Variants in ANKRD62 observed in about 807,000 individuals in gnomAD.
ANKRD62 encodes ankyrin repeat domain 62, also known as ankyrin repeat domain-containing protein 62.
Under a neutral mutation model 98.8 loss-of-function variants are expected in ANKRD62, and 61 were observed. That is an observed-to-expected ratio of 0.62 (90% CI 0.50 to 0.76). The LOEUF is 0.76. Ranked by LOEUF, ANKRD62 falls within the 30% of genes least tolerant of loss-of-function variation. ANKRD62 has a pLI of 0.00. For missense variants in ANKRD62, 933 were observed against 1,082.9 expected, an observed-to-expected ratio of 0.86 and a Z score of 1.94; for synonymous variants, 341 against 367.9, an observed-to-expected ratio of 0.93 and a Z score of 0.84.
chr18:12,175,180 CTCAGG>C, the ANKRD62 span, among the ~76,000 whole-genome samples: 1 of 152,202 alleles, frequency 6.6e-6, no homozygotes, highest in Non-Finnish European at 1.5e-5. Flanking sequence ...CACTGGCGGG[CTCAGG>C]TCTGTGCCTT....
intron 6 of ANKRD62, chr18:12,102,678 A>T: frequency 9.9e-7 from 1 of 1,010,942 alleles, no homozygotes. Flanking sequence ...ATAGTAGAGG[A>T]AGACATTTCA....
In ANKRD62 at chr18:12,107,481, G is replaced by A. The variant is rs770743951; in HGVS notation, c.1064+14G>A. On this transcript the variant is annotated intron_variant, in intron 8 of 13. Coordinates refer to ENST00000587848, the MANE Select transcript of ANKRD62 (RefSeq NM_001277333.2). ...CGAGTTTGATAGGTAATCCTGTAGC[G>A]ATAGTTAACAGCGGATCACTGTTAA... 378 of 1,473,136 alleles carry A rather than the reference G, an allele frequency of 2.6e-4. 3 individuals carry two copies. Among genetic ancestry groups the A allele is most frequent in the Middle Eastern group, 1.4e-3 (8 of 5,760 alleles). The allele number at this position is 1,473,136 out of a possible 1,614,324, so 91.3% of individuals were successfully genotyped here.
chr18:12,166,791 C>T, the ANKRD62 span, among the ~76,000 whole-genome samples: 9 of 151,386 alleles, frequency 5.9e-5, no homozygotes, highest in African/African-American at 1.9e-4. Context: ...TTGTTACATA[C>T]GTATACCTGT....
downstream of ANKRD62, among the ~76,000 whole-genome samples, chr18:12,131,668 A>G (rs1910006866): frequency 6.6e-6 from 1 of 152,118 alleles, no homozygotes; most frequent in Non-Finnish European, 1.5e-5. Flanking sequence ...GTATCAAGCA[A>G]TTACAGTTCA....
At chr18:12,138,273 A>G in the ANKRD62 span, among the ~76,000 whole-genome samples, 1 of 152,212 alleles carries the variant, frequency 6.6e-6, no homozygotes, top group Non-Finnish European at 1.5e-5. Context: ...TTCAAAGAAC[A>G]TCTTTATTTC....
chr18:12,163,286 G>T, the ANKRD62 span, among the ~76,000 whole-genome samples: 1 of 151,832 alleles, frequency 6.6e-6, no homozygotes, highest in African/African-American at 2.4e-5. Flanking sequence ...TTACCTTTTT[G>T]GTTTCTTTTT....
chr18:12,135,612 C>T, the ANKRD62 span, among the ~76,000 whole-genome samples: 422 of 151,552 alleles, frequency 2.8e-3, 4 homozygotes, highest in African/African-American at 9.7e-3. Flanking sequence ...CCTGAGGAAT[C>T]GCCACACTGA....
the ANKRD62 span, among the ~76,000 whole-genome samples, chr18:12,145,218 A>G: frequency 0.92 from 140,513 of 152,172 alleles, 65,079 homozygotes; most frequent in Middle Eastern, 0.99. Flanking sequence ...TGGCTAAGTC[A>G]CCCAAGTGGC....
the ANKRD62 span, among the ~76,000 whole-genome samples, chr18:12,159,539 T>C: frequency 6.6e-6 from 1 of 152,216 alleles, no homozygotes; most frequent in Non-Finnish European, 1.5e-5. Context: ...AATCTGCAAA[T>C]TGTCCAATAA....
chr18:12,172,816 C>G, the ANKRD62 span, among the ~76,000 whole-genome samples: 1 of 152,196 alleles, frequency 6.6e-6, no homozygotes, highest in African/African-American at 2.4e-5. Context: ...GGCAGACTCC[C>G]CTCCCCCAAC....
the ANKRD62 span, among the ~76,000 whole-genome samples, chr18:12,138,533 G>T: frequency 4.8e-4 from 73 of 152,208 alleles, 4 homozygotes; most frequent in Non-Finnish European, 7.3e-5. Context: ...TTGATTTGGG[G>T]TGGAGAGTTC....
At chr18:12,100,766 T>C (rs1485590174) in intron 6 of ANKRD62, among the ~76,000 whole-genome samples, 1 of 152,210 alleles carries the variant, frequency 6.6e-6, no homozygotes, top group Non-Finnish European at 1.5e-5. Context: ...TAAAATGAGA[T>C]ATATTTACTT....
chr18:12,140,736 G>T, the ANKRD62 span, among the ~76,000 whole-genome samples: 2 of 152,186 alleles, frequency 1.3e-5, no homozygotes, highest in Non-Finnish European at 1.5e-5. Context: ...ACCCGGCCGT[G>T]TGAGGTGTCA....
Position 12,096,145 on chromosome 18 carries a change from T to C in ANKRD62, c.508-51T>C, listed in dbSNP as rs1190907044. 2.8e-5 allele frequency: 35 copies of C among 1,230,488 alleles called. No homozygotes were observed. The East Asian group carries it at 8.7e-4, about 30-fold the overall frequency. 76.2% of individuals were successfully genotyped at this position (1,230,488 alleles called of 1,614,324 possible). A position where few individuals can be genotyped will look rare whatever the true frequency, so the allele number is the denominator to read the frequency against. ...TCTTAACATAAGGTTTTCAGTTCAG[T>C]TGGGAAGTATGTAATTTTGTGAATT... On this transcript the variant is annotated intron_variant, in intron 3 of 13. Coordinates refer to ENST00000587848, the MANE Select transcript of ANKRD62 (RefSeq NM_001277333.2).
the ANKRD62 span, among the ~76,000 whole-genome samples, chr18:12,141,373 A>G: frequency 0.91 from 138,227 of 152,258 alleles, 62,966 homozygotes; most frequent in Middle Eastern, 0.99. Flanking sequence ...GCACTACCCC[A>G]TGAGATGAAC....
downstream of ANKRD62, among the ~76,000 whole-genome samples, chr18:12,130,367 T>G (rs1909984719): frequency 6.6e-6 from 1 of 152,082 alleles, no homozygotes; most frequent in Non-Finnish European, 1.5e-5. Context: ...GAAAATGCCG[T>G]GTTAAAAATT....
intron 10 of ANKRD62, among the ~76,000 whole-genome samples, chr18:12,120,045 A>C (rs1460754565): frequency 6.6e-6 from 1 of 152,160 alleles, no homozygotes; most frequent in Non-Finnish European, 1.5e-5. Context: ...ATTTGTGGTC[A>C]GGATATGTAC....
At chr18:12,140,169 A>G in the ANKRD62 span, among the ~76,000 whole-genome samples, 1 of 152,160 alleles carries the variant, frequency 6.6e-6, no homozygotes, top group Non-Finnish European at 1.5e-5. Context: ...TTCATCACGT[A>G]GTTCTCGTGC....
chr18:12,170,052 C>G, the ANKRD62 span, among the ~76,000 whole-genome samples: 1 of 152,136 alleles, frequency 6.6e-6, no homozygotes, highest in African/African-American at 2.4e-5. Flanking sequence ...AGAGGACTAT[C>G]AGTTTTGTTG....
Sources: gnomAD v4.1 joint callset for allele counts (sites outside exome capture counted in the v4.1 genomes callset) on GRCh38, gnomAD v4.1.1 for gene constraint, MANE v1.5 for transcripts, NCBI Gene and HGNC (gene_info 2026-07-23, HGNC 2026-07-21) for gene names.